The following KMT2D variants were observed in gnomAD, a reference collection of about 807,000 sequenced individuals.
KMT2D encodes lysine methyltransferase 2D, also known as histone-lysine N-methyltransferase 2D.
KMT2D carries 55 observed loss-of-function variants against 512.7 expected under a neutral mutation model. The ratio of observed to expected loss-of-function variants is 0.11; its 90% CI spans 0.09 to 0.13. The LOEUF is 0.13. Among genes scored for constraint, KMT2D ranks in the 10% least tolerant of loss-of-function variants. The pLI is 1.00. For missense variants in KMT2D, 6,061 were observed against 7,127.9 expected (o/e 0.85, Z 5.39); for synonymous variants, 2,995 against 2,904.0 (o/e 1.03, Z -1.01).
rs750788651 is a variant in KMT2D, at chr12:49,038,453, G to A, written c.8903C>T (p.Pro2968Leu). The change falls in exon 35 of 55, where the codon CCG becomes CTG. Residue 2968 changes from proline to leucine, a missense_variant. Pro to Leu is a moderately conservative substitution (Grantham distance 98). Transcript: ENST00000301067. The surrounding 1 kb of genome is among the most constrained non-coding windows in gnomAD (Gnocchi z 5.7). ...PTGLELVNRP[P>L]SSTELGRPNP... ...GGGGCGGCCAAGCTCAGTGCTCGAC[G>A]GGGGCCGGTTGACCAGCTCCAAACC... is the stretch of plus-strand genomic sequence containing the variant. 8.7e-6 allele frequency: 14 copies of A among 1,609,452 alleles called. No homozygotes were observed. The highest frequency in any genetic ancestry group is 2.7e-5 in the African/African-American group (2 of 74,754).
rs1428382771 is a variant in KMT2D, at chr12:49,050,949, G to A, written c.2734C>T (p.Pro912Ser). Residue 912 changes from proline to serine, a missense_variant, in exon 11 of 55, where the codon CCC becomes TCC. Physicochemically the swap from Pro to Ser is moderately conservative, Grantham distance 74. This residue lies in a region of KMT2D where 848 missense variants were observed against 838.5 expected (regional missense o/e 1.01). Transcript: ENST00000301067. ...GATGGGGACAACGGCAGCTCCTCGG[G>A]CAGAGGGGACAGAGGTGGTTCCCCA... ...EPGEPPLSPL[P>S]EELPLSPSGE... 2 of 1,547,304 alleles carry A rather than the reference G, an allele frequency of 1.3e-6. No homozygotes were observed. The highest frequency in any genetic ancestry group is 1.3e-5 in the South Asian group (1 of 79,992).
At chr12:49,029,901 T>C (rs1158631726) in intron 43 of KMT2D, among the ~76,000 whole-genome samples, 1 of 152,118 alleles carries the variant, frequency 6.6e-6, no homozygotes, top group Non-Finnish European at 1.5e-5. Context: ...CATTTTACAG[T>C]GAGGAAACTG....
rs768832125 is a variant in KMT2D, at chr12:49,051,105, G to C, written c.2578C>G (p.Leu860Val). The change falls in exon 11 of 55, where the codon CTG (leucine) becomes GTG (valine). Residue 860 changes from leucine (L) to valine (V), a missense_variant. By Grantham distance (32) the Leu-to-Val change is conservative. Around this residue, in one of 16 missense-constraint regions of KMT2D, gnomAD observed 848 missense variants for 838.5 expected, o/e 1.01. Coordinates refer to ENST00000301067, the MANE Select transcript of KMT2D (RefSeq NM_003482.4). The stretch of plus-strand genomic sequence containing the variant: ...GGGGGCTTTTCAGGCCGAGGGGACA[G>C]GGGTGGCTTCTCAAGCTCAGGGGAC... ...HLSPELEKPP[L>V]SPRPEKPPEE... 2.0e-6 allele frequency: 3 copies of C among 1,522,756 alleles called. No individual in the cohort carries two copies. Among genetic ancestry groups the C allele is most frequent in the Non-Finnish European group, 1.8e-6 (2 of 1,137,128 alleles). The allele number at this position is 1,522,756 out of a possible 1,614,324, so 94.3% of individuals were successfully genotyped here.
chr12:49,047,942 C>T (rs1203119511), intron 15 of KMT2D, 23 bp downstream of exon 15: 2 of 1,535,826 alleles, frequency 1.3e-6, no homozygotes, highest in East Asian at 4.5e-5. Context: ...CCCCAGCCTA[C>T]ACCTCTTGGG....
Position 49,021,546 on chromosome 12 carries a change from G to A in KMT2D, c.*234C>T. 1.8e-6 allele frequency: 1 copy of A among 546,396 alleles called. No homozygotes were observed. Among genetic ancestry groups the A allele is most frequent in the East Asian group, 2.9e-5 (1 of 34,042 alleles). 33.8% of individuals were successfully genotyped at this position (546,396 alleles called of 1,614,324 possible). A position where few individuals can be genotyped will look rare whatever the true frequency, so the allele number is the denominator to read the frequency against. The stretch of plus-strand genomic sequence containing the variant: ...CTTCTGTCTGGCCCCTCCTGGAGCT[G>A]GGGGCAGAGATGCCAGCCTGAGGGC... On this transcript the variant is annotated 3_prime_UTR_variant, in exon 55 of 55. Transcript: ENST00000301067.
rs775546652 is a variant in KMT2D at position 49,027,903 on chromosome 12, T to C, written c.14543A>G (p.Lys4848Arg). The C allele has an allele frequency of 6.8e-6, 11 of 1,613,832 alleles. No individual in the cohort carries two copies. In the Middle Eastern group the frequency reaches 4.9e-4, roughly 73 times the overall value. Residue 4848 changes from lysine to arginine, a missense_variant, in exon 48 of 55, where the codon AAG becomes AGG. This residue lies in a region of KMT2D where 1,600 missense variants were observed against 1,754.9 expected (regional missense o/e 0.91). Coordinates refer to ENST00000301067, the MANE Select transcript of KMT2D (RefSeq NM_003482.4). ...PGGKEKGLEGKSPDTGPDWLK... is the reference protein window; with the variant it reads ...PGGKEKGLEGRSPDTGPDWLK... ...CCAATCAGGGCCAGTGTCTGGGCTC[T>C]TGCCTTCCAGACCCTTTTCCTTCCC...
intron 19 of KMT2D, among the ~76,000 whole-genome samples, chr12:49,045,373 G>A (rs370362202): frequency 8.5e-5 from 13 of 152,148 alleles, no homozygotes; most frequent in African/African-American, 2.4e-4. Flanking sequence ...AGCCGGGCGC[G>A]GTGCTCATGC....
At position 49,054,432 on chromosome 12, in the gene KMT2D, G is replaced by A. The variant is rs1306010839; in HGVS notation, c.401-16C>T. ...CAGCAGGACCCTTTACAGGTGGGAA[G>A]AGGTAAAGAGAAAGGAAAGAATTAA... On this transcript the variant is annotated splice_polypyrimidine_tract_variant and intron_variant, in intron 4 of 54. Transcript: ENST00000301067. This position sits in a 1 kb window ranked among gnomAD's most constrained non-coding sequence, Gnocchi z 6.4. 1 of 1,573,238 alleles carries A rather than the reference G, an allele frequency of 6.4e-7. No homozygotes were observed. The highest frequency in any genetic ancestry group is 8.6e-7 in the Non-Finnish European group (1 of 1,158,864).
rs1943363395 is a variant in KMT2D at position 49,039,104 on chromosome 12, G to A, written c.8367-115C>T. On this transcript the variant is annotated intron_variant, in intron 34 of 54. Coordinates refer to ENST00000301067, the MANE Select transcript of KMT2D (RefSeq NM_003482.4). This position sits in a 1 kb window ranked among gnomAD's most constrained non-coding sequence, Gnocchi z 5.0. ...TGCAGTGAGGGAGAAAAGGAATGAG[G>A]AAGAAGAGAAAGTGATACTGGAAAA... The A allele has an allele frequency of 3.3e-6, 5 of 1,523,734 alleles. No individual in the cohort carries two copies. Among genetic ancestry groups the A allele is most frequent in the East Asian group, 2.3e-5 (1 of 44,198 alleles). 94.4% of individuals were successfully genotyped at this position (1,523,734 alleles called of 1,614,324 possible). A position where few individuals can be genotyped will look rare whatever the true frequency, so the allele number is the denominator to read the frequency against.
chr12:49,029,543 A>G, intron 43 of KMT2D, 67 bp from the exon 44 acceptor site: 6 of 1,182,350 alleles, frequency 5.1e-6, no homozygotes, highest in South Asian at 4.0e-5. Flanking sequence ...CCTTCTCCCA[A>G]TATTTTAGGC....
chr12:49,019,913 G>A lies in KMT2D; in HGVS notation c.*1867C>T, dbSNP rs1201710585. ...AGCTCCCCCTCCAGCAGGCCCGCCCGTCCACCACCACCAAGCCCACCCCTA... is the reference window on the plus strand; with the variant it reads ...AGCTCCCCCTCCAGCAGGCCCGCCCATCCACCACCACCAAGCCCACCCCTA... On this transcript the variant is annotated 3_prime_UTR_variant, in exon 55 of 55. Transcript: ENST00000301067. 6 of 219,822 alleles carry A rather than the reference G, an allele frequency of 2.7e-5. No homozygotes were observed. Among genetic ancestry groups the A allele is most frequent in the Non-Finnish European group, 5.3e-5 (6 of 112,752 alleles). 13.6% of individuals were successfully genotyped at this position (219,822 alleles called of 1,614,324 possible). A position where few individuals can be genotyped will look rare whatever the true frequency, so the allele number is the denominator to read the frequency against.
In KMT2D at chr12:49,022,268, G is replaced by A. The variant is rs560355537; in HGVS notation, c.16412+12C>T. 28 of 1,603,060 alleles carry A rather than the reference G, an allele frequency of 1.7e-5. No homozygotes were observed. The highest frequency in any genetic ancestry group is 1.2e-4 in the African/African-American group (9 of 74,824). ...GGGACCACTAAATCCCTCCTTCCTC[G>A]TCATCTCTCACCTGGCAGGGCCGCC... On this transcript the variant is annotated intron_variant, in intron 53 of 54. Coordinates refer to ENST00000301067, the MANE Select transcript of KMT2D (RefSeq NM_003482.4). The surrounding 1 kb of genome is among the most constrained non-coding windows in gnomAD (Gnocchi z 8.6).
rs1943004247 is a variant in KMT2D, at chr12:49,032,864, C to CTGT, written c.11838_11840dup (p.Gln3947dup). ...GTAGCTGCTGTTGCTGCTGTTGAAG[C>CTGT]TGTTGCTGCTGCTGTTGTTGAAGCT... is the stretch of plus-strand genomic sequence containing the variant. On this transcript the variant is annotated inframe_insertion, in exon 40 of 55. Coordinates refer to ENST00000301067, the MANE Select transcript of KMT2D (RefSeq NM_003482.4). 4.5e-6 allele frequency: 7 copies of CTGT among 1,550,032 alleles called. No individual in the cohort carries two copies. Among genetic ancestry groups the CTGT allele is most frequent in the Non-Finnish European group, 5.2e-6 (6 of 1,146,760 alleles).
At chr12:49,048,888 C>T (rs907974337) in intron 13 of KMT2D, 119 bp from the exon 14 acceptor site, 2 of 746,034 alleles carry the variant, frequency 2.7e-6, no homozygotes, top group African/African-American at 3.5e-5. Context: ...GGCCAAAAGC[C>T]AGGAATAACA....
rs1167912373 is a variant in KMT2D, at chr12:49,039,363, A to C, written c.8230-5T>G. 1.2e-6 allele frequency: 2 copies of C among 1,612,042 alleles called. No homozygotes were observed. Among genetic ancestry groups the C allele is most frequent in the African/African-American group, 2.7e-5 (2 of 74,850 alleles). On this transcript the variant is annotated splice_region_variant and splice_polypyrimidine_tract_variant and intron_variant, in intron 33 of 54. Transcript: ENST00000301067. This position sits in a 1 kb window ranked among gnomAD's most constrained non-coding sequence, Gnocchi z 5.0. ...CCCCACAAGGCTGCTCTTGTCCTAGAAGAGACAAGGTAGATGAAGGTGGAG... is the reference window on the plus strand; with the variant it reads ...CCCCACAAGGCTGCTCTTGTCCTAGCAGAGACAAGGTAGATGAAGGTGGAG...
rs2120368116 is a variant in KMT2D at position 49,027,115 on chromosome 12, G to A, written c.14851C>T (p.Pro4951Ser). 1 of 1,596,600 alleles carries A rather than the reference G, an allele frequency of 6.3e-7. No individual in the cohort carries two copies. Among genetic ancestry groups the A allele is most frequent in the Non-Finnish European group, 8.6e-7 (1 of 1,169,324 alleles). The change falls in exon 49 of 55, where the codon CCA becomes TCA. Residue 4951 changes from proline to serine, a missense_variant. Transcript: ENST00000301067. ...GCTGATTCAGGGGATGAGGCCAGTG[G>A]CAGAGGTGAGGGGACGGGTGGCTCA... Reference protein sequence around the residue: ...LAEPPVPSPLPLASSPESARP... With the variant: ...LAEPPVPSPLSLASSPESARP...
rs1226408543 is a variant in KMT2D at position 49,049,907 on chromosome 12, C to T, written c.3681G>A (p.Leu1227=). 6.2e-7 allele frequency: 1 copy of T among 1,613,834 alleles called. No individual in the cohort carries two copies. The highest frequency in any genetic ancestry group is 2.2e-5 in the East Asian group (1 of 44,896). Residue 1227 remains leucine (L), a synonymous_variant, in exon 12 of 55, where the codon CTG becomes CTA. Coordinates refer to ENST00000301067, the MANE Select transcript of KMT2D (RefSeq NM_003482.4). The part of the protein sequence containing the change: ...SASFPGSEPL[L]GSPDPEGGGS... ...CACCCCCCTCCGGGTCTGGAGAGCCCAGGAGGGGCTCTGAGCCAGGAAAAC... is the reference window on the plus strand; with the variant it reads ...CACCCCCCTCCGGGTCTGGAGAGCCTAGGAGGGGCTCTGAGCCAGGAAAAC...
Position 49,042,820 on chromosome 12 carries a change from A to T in KMT2D, c.5703T>A (p.Ser1901=), listed in dbSNP as rs1340039665. ...CACAACCCAGATGCTGTTCTCGTTCAGAGCCCAGAACATCCTTGAAGAGCT... is the reference window on the plus strand; with the variant it reads ...CACAACCCAGATGCTGTTCTCGTTCTGAGCCCAGAACATCCTTGAAGAGCT... ...LQQLFKDVLG[S]EREQHLGCGT... Residue 1901 remains serine (S), a synonymous_variant, in exon 27 of 55, where the codon TCT becomes TCA. Coordinates refer to ENST00000301067, the MANE Select transcript of KMT2D (RefSeq NM_003482.4). The surrounding 1 kb of genome is among the most constrained non-coding windows in gnomAD (Gnocchi z 4.4). The T allele has an allele frequency of 1.2e-6, 2 of 1,613,980 alleles. No homozygotes were observed. The highest frequency in any genetic ancestry group is 2.2e-5 in the South Asian group (2 of 91,090).
In KMT2D at chr12:49,022,079, G is replaced by A. The variant is rs2137703663; in HGVS notation, c.16485C>T (p.Ile5495=). ...VVTFDKEDKI[I]IISSRRIPKG... ...TGGGGATTCGCCGGCTGGAGATGAT[G>A]ATGATTTTGTCCTCTTTGTCAAATG... is the stretch of plus-strand genomic sequence containing the variant. Residue 5495 remains isoleucine, a synonymous_variant, in exon 54 of 55, where the codon ATC becomes ATT. Coordinates refer to ENST00000301067, the MANE Select transcript of KMT2D (RefSeq NM_003482.4). The surrounding 1 kb of genome is among the most constrained non-coding windows in gnomAD (Gnocchi z 8.6). 1 of 1,614,008 alleles carries A rather than the reference G, an allele frequency of 6.2e-7. No homozygotes were observed. Among genetic ancestry groups the A allele is most frequent in the South Asian group, 1.1e-5 (1 of 91,078 alleles).
Sources: gnomAD v4.1 joint callset for allele counts (sites outside exome capture counted in the v4.1 genomes callset) on GRCh38, gnomAD v4.1.1 for gene constraint, gnomAD v4.1.1 regional missense constraint, Gnocchi (gnomAD v3.1) non-coding constraint, MANE v1.5 for transcripts, NCBI Gene and HGNC (gene_info 2026-07-23, HGNC 2026-07-21) for gene names.